The following ENTPD1 variants were observed in gnomAD, a reference collection of about 807,000 sequenced individuals.
ENTPD1 encodes the protein ATP diphosphohydrolase.
ENTPD1 carries 33 observed loss-of-function variants against 57.0 expected under a neutral mutation model. That is an observed-to-expected ratio of 0.58 (90% CI 0.44 to 0.77). The LOEUF is 0.77. ENTPD1 is among the 30% of genes least tolerant of loss of function. The probability of loss-of-function intolerance (pLI) is 0.00; values close to 1 mark genes in which losing one functional copy is unlikely to be tolerated. For missense variants in ENTPD1, 501 were observed against 603.4 expected (o/e 0.83, Z 1.78); for synonymous variants, 202 against 218.8 (o/e 0.92, Z 0.68).
At position 95,823,711 on chromosome 10, in the gene ENTPD1, A is replaced by G. The variant is rs573090276; in HGVS notation, c.144+347A>G. 7.0e-4 allele frequency among the ~76,000 whole-genome samples: 106 copies of G among 152,308 alleles called. 1 individual carries two copies. Among genetic ancestry groups the G allele is most frequent in the Admixed American group, 1.8e-3 (27 of 15,298 alleles). On this transcript the variant is annotated intron_variant, in intron 2 of 9. Coordinates refer to ENST00000371205, the MANE Select transcript of ENTPD1 (RefSeq NM_001776.6). ...TCTAGTATATTTCCACTTCTTCATC[A>G]TGGGTGAATCACAATACTGCACTCT...
the ENTPD1 span, among the ~76,000 whole-genome samples, chr10:95,699,568 A>G: frequency 6.6e-6 from 1 of 152,096 alleles, no homozygotes; most frequent in Non-Finnish European, 1.5e-5. Context: ...TGATTGTGCC[A>G]CTGCACTCCA....
At chr10:95,702,218 G>T in the ENTPD1 span, among the ~76,000 whole-genome samples, 1 of 151,882 alleles carries the variant, frequency 6.6e-6, no homozygotes, top group African/African-American at 2.4e-5. Flanking sequence ...ATAACAATTG[G>T]TATAGACTTA....
chr10:95,720,031 C>T (rs7478595), intron 1 of ENTPD1, among the ~76,000 whole-genome samples: 75,630 of 151,772 alleles, frequency 0.5, 19,336 homozygotes, highest in East Asian at 0.74. Context: ...GAGATCTTGC[C>T]CTAACCTCCA....
intron 7 of ENTPD1, among the ~76,000 whole-genome samples, chr10:95,857,775 C>T (rs1040341862): frequency 1.3e-5 from 2 of 152,174 alleles, no homozygotes. Context: ...AGGGAAATTC[C>T]GCGCCTGCCA....
chr10:95,794,852 G>A (rs2098219720), intron 1 of ENTPD1, among the ~76,000 whole-genome samples: 1 of 152,100 alleles, frequency 6.6e-6, no homozygotes, highest in Non-Finnish European at 1.5e-5. Context: ...GGCTCTGGGC[G>A]AGGACAGCAT....
intron 2 of ENTPD1, among the ~76,000 whole-genome samples, chr10:95,834,230 G>T (rs555195512): frequency 2.6e-5 from 4 of 152,148 alleles, no homozygotes; most frequent in Admixed American, 1.3e-4. Flanking sequence ...ATATACCATC[G>T]TGGATGCTGT....
At chr10:95,805,896 C>G (rs1484669051) in intron 1 of ENTPD1, among the ~76,000 whole-genome samples, 1 of 152,186 alleles carries the variant, frequency 6.6e-6, no homozygotes, top group Non-Finnish European at 1.5e-5. Flanking sequence ...GTGGGTAACC[C>G]GAACTTTCTC....
intron 2 of ENTPD1, among the ~76,000 whole-genome samples, chr10:95,831,356 G>T (rs2098396232): frequency 6.6e-6 from 1 of 152,176 alleles, no homozygotes; most frequent in East Asian, 1.9e-4. Context: ...ATTGCCTTGG[G>T]TTTGAATCTT....
At chr10:95,714,773 A>T (rs887205894) in intron 1 of ENTPD1, among the ~76,000 whole-genome samples, 20 of 148,456 alleles carry the variant, frequency 1.3e-4, no homozygotes, top group East Asian at 3.9e-4. Flanking sequence ...AATTTCAAAA[A>T]TTTTTTTTTT....
chr10:95,753,139 CTGAG>C, upstream of ENTPD1: 1 of 152,012 alleles, frequency 6.6e-6, no homozygotes, highest in East Asian at 1.9e-4. Flanking sequence ...TTCCATCTTT[CTGAG>C]TGCAGTTTTA....
intron 1 of ENTPD1, among the ~76,000 whole-genome samples, chr10:95,730,329 A>T (rs191406821): frequency 6.6e-6 from 1 of 152,026 alleles, no homozygotes; most frequent in African/African-American, 2.4e-5. Flanking sequence ...TGCTGGGATT[A>T]CAGGTGTGAG....
At chr10:95,775,178 G>A (rs541508942) in intron 1 of ENTPD1, among the ~76,000 whole-genome samples, 11 of 152,288 alleles carry the variant, frequency 7.2e-5, no homozygotes, top group African/African-American at 2.6e-4. Flanking sequence ...TATTAATTTT[G>A]TATCCTGAGA....
At chr10:95,756,110 C>T, upstream of ENTPD1, 1 of 1,531,546 alleles carries the variant, frequency 6.5e-7, no homozygotes, top group Non-Finnish European at 8.8e-7. Flanking sequence ...AATTTAGCCC[C>T]TCCCACGAGC....
chr10:95,744,123 A>G (rs1244080900), intron 1 of ENTPD1, among the ~76,000 whole-genome samples: 1 of 150,348 alleles, frequency 6.7e-6, no homozygotes, highest in Non-Finnish European at 1.5e-5. Flanking sequence ...ACGTTAATCC[A>G]TTACCACATG....
intron 1 of ENTPD1, among the ~76,000 whole-genome samples, chr10:95,786,928 A>G (rs2140232956): frequency 6.6e-6 from 1 of 152,280 alleles, no homozygotes; most frequent in African/African-American, 2.4e-5. Flanking sequence ...ACATTATTCA[A>G]TTTACTTTAA....
chr10:95,702,741 T>C, the ENTPD1 span, among the ~76,000 whole-genome samples: 1 of 152,202 alleles, frequency 6.6e-6, no homozygotes, highest in African/African-American at 2.4e-5. Context: ...ATCTTTAAAA[T>C]GTATAGCTTA....
intron 1 of ENTPD1, among the ~76,000 whole-genome samples, chr10:95,745,379 A>T (rs185141224): frequency 1.2e-4 from 19 of 152,052 alleles, no homozygotes; most frequent in Admixed American, 8.5e-4. Flanking sequence ...TAAAGACGAG[A>T]TCCATTATGT....
chr10:95,868,677 A>G lies in ENTPD1; in HGVS notation c.*2294A>G, dbSNP rs1446963333. 1 of 979,568 alleles carries G rather than the reference A, an allele frequency of 1.0e-6. No individual in the cohort carries two copies. The highest frequency in any genetic ancestry group is 1.8e-5 in the African/African-American group (1 of 57,088). 60.7% of individuals were successfully genotyped at this position (979,568 alleles called of 1,614,324 possible). On this transcript the variant is annotated 3_prime_UTR_variant, in exon 10 of 10. Transcript: ENST00000371205. ...ACAAATGAGGATCACACAAACTACTACATGGCAGAGCAGATACTCCAACTC... is the reference window on the plus strand; with the variant it reads ...ACAAATGAGGATCACACAAACTACTGCATGGCAGAGCAGATACTCCAACTC...
intron 7 of ENTPD1, among the ~76,000 whole-genome samples, chr10:95,848,330 CA>C (rs1306366541): frequency 6.6e-6 from 1 of 152,132 alleles, no homozygotes; most frequent in Non-Finnish European, 1.5e-5. Context: ...GCTGATTGTC[CA>C]CCTTGATCTC....
Sources: allele counts gnomAD v4.1 joint callset (sites outside exome capture counted in the v4.1 genomes callset), GRCh38; gene constraint gnomAD v4.1.1; transcripts MANE v1.5; gene names NCBI Gene and HGNC (gene_info 2026-07-23, HGNC 2026-07-21).